CDK19: variants seen among roughly 807,000 people sequenced by gnomAD.
CDK19 encodes the protein cyclin dependent kinase 19, also known as cyclin-dependent kinase 19.
CDK19 carries 20 observed loss-of-function variants against 68.3 expected under a neutral mutation model. The observed-to-expected ratio is 0.29, with a 90% CI of 0.21 to 0.43. The LOEUF is 0.43. CDK19 is among the 20% of genes least tolerant of loss of function. CDK19 has a pLI of 1.00. For missense variants in CDK19, 339 were observed against 623.5 expected (o/e 0.54, Z 4.86); for synonymous variants, 221 against 222.8 (o/e 0.99, Z 0.07).
chr6:110,673,877 T>C (rs1771233466), intron 2 of CDK19, among the ~76,000 whole-genome samples: 1 of 152,152 alleles, frequency 6.6e-6, no homozygotes, highest in South Asian at 2.1e-4. Flanking sequence ...TTACAAGGTG[T>C]AAACCACTGT....
chr6:110,646,325 G>A, intron 4 of CDK19: 1 of 1,475,810 alleles, frequency 6.8e-7, no homozygotes, highest in Non-Finnish European at 9.0e-7. Context: ...TGCGCGAACG[G>A]GCCCACGACG....
chr6:110,798,887 A>C (rs996297905), intron 1 of CDK19, among the ~76,000 whole-genome samples: 4 of 151,952 alleles, frequency 2.6e-5, no homozygotes, highest in African/African-American at 4.8e-5. Flanking sequence ...TCACGCCTGT[A>C]ATCCTAGTAC....
chr6:110,757,192 G>C (rs926239224), intron 1 of CDK19, among the ~76,000 whole-genome samples: 3 of 152,186 alleles, frequency 2.0e-5, no homozygotes, highest in African/African-American at 4.8e-5. Context: ...AAAGAATTTA[G>C]AGGATTAATT....
intron 1 of CDK19, among the ~76,000 whole-genome samples, chr6:110,758,901 TTTTAAGA>T (rs1323590914): frequency 2.0e-5 from 3 of 152,048 alleles, no homozygotes; most frequent in Non-Finnish European, 2.9e-5. Context: ...CTTAGGTGCA[TTTTAAGA>T]TTTAAGTCTT....
intron 1 of CDK19, among the ~76,000 whole-genome samples, chr6:110,763,412 ATG>A (rs1779356211): frequency 1.5e-5 from 2 of 135,428 alleles, no homozygotes; most frequent in South Asian, 2.4e-4. Flanking sequence ...CACTCTTATT[ATG>A]TTTTTTTTTT....
intron 2 of CDK19, among the ~76,000 whole-genome samples, chr6:110,738,177 G>A (rs539848281): frequency 7.2e-5 from 11 of 151,992 alleles, no homozygotes; most frequent in Middle Eastern, 3.4e-3. Context: ...AAAGTTGCAC[G>A]CATATTTAAA....
chr6:110,712,941 G>A (rs1775053913), intron 2 of CDK19, among the ~76,000 whole-genome samples: 1 of 152,112 alleles, frequency 6.6e-6, no homozygotes, highest in African/African-American at 2.4e-5. Context: ...CGGGTGTGGT[G>A]GCTCACACCT....
chr6:110,789,547 G>A (rs546232931), intron 1 of CDK19, among the ~76,000 whole-genome samples: 26 of 152,282 alleles, frequency 1.7e-4, no homozygotes, highest in Admixed American at 1.5e-3. Flanking sequence ...AAAGTGCTGG[G>A]ATTACAGGCG....
chr6:110,800,918 C>T (rs1782296922), intron 1 of CDK19, among the ~76,000 whole-genome samples: 1 of 152,074 alleles, frequency 6.6e-6, no homozygotes, highest in African/African-American at 2.4e-5. Flanking sequence ...CTCACCACCC[C>T]TATTCAATAC....
chr6:110,777,309 T>A (rs929267584), intron 1 of CDK19, among the ~76,000 whole-genome samples: 2 of 152,092 alleles, frequency 1.3e-5, no homozygotes, highest in South Asian at 4.2e-4. Flanking sequence ...ACAAATAATA[T>A]TGGTGTAAGA....
intron 4 of CDK19, among the ~76,000 whole-genome samples, chr6:110,661,983 G>A (rs1308470314): frequency 7.9e-5 from 12 of 151,938 alleles, no homozygotes; most frequent in Admixed American, 6.6e-4. Context: ...TATTTTTTGG[G>A]GGGGGAGACT....
chr6:110,808,259 G>A (rs1018563072), intron 1 of CDK19, among the ~76,000 whole-genome samples: 1 of 152,140 alleles, frequency 6.6e-6, no homozygotes, highest in Non-Finnish European at 1.5e-5. Context: ...GTGGCGTGTG[G>A]CTTGTGGCTA....
In CDK19 at chr6:110,697,885, G is replaced by A. The variant is rs141445142; in HGVS notation, c.205-27344C>T. Among the ~76,000 whole-genome samples the A allele has an allele frequency of 8.6e-4, 131 of 152,066 alleles. 1 individual carries two copies. In the East Asian group the frequency reaches 0.022, roughly 25 times the overall value. ...AAATACTTACAGTCAACTGATCTTC[G>A]ACAAAGCAAACAAAAATATAAAGTG... is the stretch of plus-strand genomic sequence containing the variant. On this transcript the variant is annotated intron_variant, in intron 2 of 12. Transcript: ENST00000368911.
At chr6:110,673,673 C>T (rs1771213463) in intron 2 of CDK19, among the ~76,000 whole-genome samples, 1 of 151,782 alleles carries the variant, frequency 6.6e-6, no homozygotes, top group Admixed American at 6.6e-5. Context: ...AGGACAATAT[C>T]AATATTAGAA....
Position 110,667,589 on chromosome 6 carries a change from A to T in CDK19, c.316-15T>A. 1 of 1,380,318 alleles carries T rather than the reference A, an allele frequency of 7.2e-7. No homozygotes were observed. The highest frequency in any genetic ancestry group is 1.0e-6 in the Non-Finnish European group (1 of 1,004,368). 85.5% of individuals were successfully genotyped at this position (1,380,318 alleles called of 1,614,324 possible). On this transcript the variant is annotated splice_polypyrimidine_tract_variant and intron_variant, in intron 3 of 12. Transcript: ENST00000368911. ...TTAATAATATGCTAAAAATTAAAAA[A>T]AAACATAATAATATAGTCTTTGCTA...
intron 2 of CDK19, among the ~76,000 whole-genome samples, chr6:110,685,798 C>T (rs975966879): frequency 7.2e-5 from 11 of 152,118 alleles, no homozygotes; most frequent in African/African-American, 2.7e-4. Context: ...TTTGGAGGAC[C>T]TGAGGCTCAA....
chr6:110,694,424 T>G (rs893426440), intron 2 of CDK19, among the ~76,000 whole-genome samples: 1 of 152,178 alleles, frequency 6.6e-6, no homozygotes, highest in Non-Finnish European at 1.5e-5. Flanking sequence ...AGACGGACAT[T>G]ATATAATGAT....
At chr6:110,746,623 T>C (rs1193155842) in intron 1 of CDK19, among the ~76,000 whole-genome samples, 1 of 152,176 alleles carries the variant, frequency 6.6e-6, no homozygotes, top group African/African-American at 2.4e-5. Context: ...TTAAAGTAAT[T>C]TCATAGTATA....
intron 2 of CDK19, among the ~76,000 whole-genome samples, chr6:110,692,335 A>C (rs1773072770): frequency 6.6e-6 from 1 of 152,060 alleles, no homozygotes; most frequent in Non-Finnish European, 1.5e-5. Flanking sequence ...CAGAATTACA[A>C]AATGTAATGT....
Sources: allele counts gnomAD v4.1 joint callset (sites outside exome capture counted in the v4.1 genomes callset), GRCh38; gene constraint gnomAD v4.1.1; transcripts MANE v1.5; gene names NCBI Gene and HGNC (gene_info 2026-07-23, HGNC 2026-07-21).